Variants in SFI1 observed in about 807,000 individuals in gnomAD.
SFI1 encodes protein SFI1 homolog.
In SFI1, 195 loss-of-function variants were observed where a neutral mutation model predicts 207.5. That is an observed-to-expected ratio of 0.94 (90% CI 0.84 to 1.06). SFI1 has a LOEUF of 1.06. SFI1 is among the 50% of genes least tolerant of loss of function. The pLI, the probability that SFI1 is intolerant of heterozygous loss-of-function variation, is 0.00. For synonymous variants in SFI1, 630 were observed against 598.9 expected (o/e 1.05, Z -0.76); for missense variants, 1,634 against 1,588.0 (o/e 1.03, Z -0.49).
intron 28 of SFI1, 76 bp downstream of exon 28, chr22:31,614,936 T>TG: frequency 6.3e-7 from 1 of 1,582,664 alleles, no homozygotes; most frequent in African/African-American, 1.3e-5. Flanking sequence ...CACCTCCATG[T>TG]GGGGCCTGTG....
At chr22:31,602,912 G>GGAA in intron 17 of SFI1, 127 bp downstream of exon 17, 4 of 1,126,988 alleles carry the variant, frequency 3.5e-6, no homozygotes, top group Non-Finnish European at 4.9e-6. Flanking sequence ...TGTAAGTTCT[G>GGAA]GAAGTTCAAC....
rs777761200 is a variant in SFI1 at position 31,613,201 on chromosome 22, C to T, written c.2550C>T (p.Phe850=). The T allele has an allele frequency of 6.2e-7, 1 of 1,613,842 alleles. No homozygotes were observed. Among genetic ancestry groups the T allele is most frequent in the East Asian group, 2.2e-5 (1 of 44,878 alleles). ...TGCGGGCCCTGTGGTTCTGGGCCTT[C>T]TCGCTGCAGGCAAAGGTAATTGGGG... The part of the protein sequence containing the change: ...ATVRALWFWA[F]SLQAKVWATW... The change falls in exon 25 of 33, where the codon TTC becomes TTT. Residue 850 remains phenylalanine, a synonymous_variant. Coordinates refer to ENST00000400288, the MANE Select transcript of SFI1 (RefSeq NM_001007467.3).
At chr22:31,618,079 C>A (rs2072104528) in intron 31 of SFI1, 36 bp from the exon 32 acceptor site, 1 of 1,545,472 alleles carries the variant, frequency 6.5e-7, no homozygotes, top group Admixed American at 2.0e-5. Flanking sequence ...TGCCAAGGAC[C>A]CAGCCTGGCA....
intron 2 of SFI1, among the ~76,000 whole-genome samples, chr22:31,528,162 G>A (rs1346866565): frequency 1.3e-5 from 2 of 151,676 alleles, no homozygotes; most frequent in African/African-American, 4.9e-5. Context: ...GTGCATGCCT[G>A]TAGTGTCAGC....
intron 22 of SFI1, among the ~76,000 whole-genome samples, chr22:31,608,339 C>A (rs1158766916): frequency 1.3e-5 from 2 of 152,100 alleles, no homozygotes; most frequent in Non-Finnish European, 2.9e-5. Flanking sequence ...CGTGTAGACC[C>A]ATTGCTCCAG....
At chr22:31,577,517 C>A (rs1446661748) in intron 10 of SFI1, among the ~76,000 whole-genome samples, 1 of 152,134 alleles carries the variant, frequency 6.6e-6, no homozygotes, top group South Asian at 2.1e-4. Context: ...AAGCAATCCT[C>A]CCCCCTCAGC....
Position 31,614,850 on chromosome 22 carries a change from CAG to C in SFI1, c.3061_3062del (p.Ser1021ProfsTer88). The C allele has an allele frequency of 6.2e-7, 1 of 1,613,778 alleles. No homozygotes were observed. Among genetic ancestry groups the C allele is most frequent in the Non-Finnish European group, 8.5e-7 (1 of 1,179,996 alleles). On this transcript the variant is annotated frameshift_variant, in exon 28 of 33. Coordinates refer to ENST00000400288, the MANE Select transcript of SFI1 (RefSeq NM_001007467.3). LOFTEE classifies it high-confidence loss of function. Reference sequence around the variant, plus strand: ...CCCACACTTCCTGTTGGAGCCTGCGCAGAGCCAGAGGTCCCTGGGGTGCAGCA... The same window carrying C: ...CCCACACTTCCTGTTGGAGCCTGCGCAGCCAGAGGTCCCTGGGGTGCAGCA... ...RRPHFLLEPA[Q>X]SQRPQKPQEH... is the part of the protein sequence containing the mutation.
In SFI1 at chr22:31,602,664, C is replaced by G. The variant is rs1259147588; in HGVS notation, c.1684C>G (p.Gln562Glu). ...TAGGTCTTGGTTCATGTGGCACCAG[C>G]AGGCAGCAGCACGTCACCAGGAGCA... ...LYRSWFMWHQ[Q>E]AAARHQEQEW... The change falls in exon 17 of 33, where the codon CAG becomes GAG. Residue 562 changes from glutamine (Q) to glutamate (E), a missense_variant. Gln to Glu is a conservative substitution (Grantham distance 29, BLOSUM62 2). Coordinates refer to ENST00000400288, the MANE Select transcript of SFI1 (RefSeq NM_001007467.3). 3 of 1,614,242 alleles carry G rather than the reference C, an allele frequency of 1.9e-6. No individual in the cohort carries two copies. The highest frequency in any genetic ancestry group is 2.2e-5 in the East Asian group (1 of 44,886).
intron 1 of SFI1, among the ~76,000 whole-genome samples, chr22:31,497,729 G>A (rs1311473373): frequency 6.6e-6 from 1 of 152,018 alleles, no homozygotes; most frequent in Non-Finnish European, 1.5e-5. Flanking sequence ...AACAAACCCA[G>A]GATGACCACA....
At chr22:31,574,446 G>GGAGA (rs1467039042) in intron 9 of SFI1, among the ~76,000 whole-genome samples, 3 of 152,188 alleles carry the variant, frequency 2.0e-5, no homozygotes, top group Non-Finnish European at 4.4e-5. Flanking sequence ...AGCATTAAAA[G>GGAGA]GAGATGAAGC....
chr22:31,582,023 A>G (rs936790970), intron 12 of SFI1, among the ~76,000 whole-genome samples: 1 of 151,328 alleles, frequency 6.6e-6, no homozygotes, highest in African/African-American at 2.4e-5. Context: ...TCAAATTTCC[A>G]TAGTTGTCTT....
intron 14 of SFI1, among the ~76,000 whole-genome samples, chr22:31,586,238 C>A (rs1005677919): frequency 2.0e-5 from 3 of 152,074 alleles, no homozygotes; most frequent in Admixed American, 1.3e-4. Flanking sequence ...GTCACCTCCT[C>A]CCCCAGGCCA....
intron 14 of SFI1, among the ~76,000 whole-genome samples, chr22:31,586,595 T>A (rs954183992): frequency 2.6e-5 from 4 of 152,230 alleles, no homozygotes; most frequent in South Asian, 2.1e-4. Context: ...TGCCTTTGGA[T>A]TATGTTACTG....
At chr22:31,505,617 T>A (rs2054513413) in intron 1 of SFI1, among the ~76,000 whole-genome samples, 1 of 149,144 alleles carries the variant, frequency 6.7e-6, no homozygotes, top group African/African-American at 2.5e-5. Flanking sequence ...TGAGACCCTA[T>A]CTCTACACAC....
intron 2 of SFI1, among the ~76,000 whole-genome samples, chr22:31,509,439 AG>A (rs2055164403): frequency 6.6e-6 from 1 of 152,232 alleles, no homozygotes; most frequent in Non-Finnish European, 1.5e-5. Flanking sequence ...CAACAGCCAA[AG>A]AACTTGGAGT....
At chr22:31,578,995 A>G (rs1333881730) in intron 11 of SFI1, among the ~76,000 whole-genome samples, 1 of 152,100 alleles carries the variant, frequency 6.6e-6, no homozygotes, top group Non-Finnish European at 1.5e-5. Context: ...GTGAGGCATT[A>G]TTATTATTTT....
At chr22:31,578,843 A>C (rs769897909) in intron 11 of SFI1, among the ~76,000 whole-genome samples, 38 of 152,106 alleles carry the variant, frequency 2.5e-4, no homozygotes, top group Non-Finnish European at 4.3e-4. Context: ...GGTGGTCTTC[A>C]TATGTTTTCA....
chr22:31,503,270 A>G (rs1050588616), intron 1 of SFI1, among the ~76,000 whole-genome samples: 2 of 152,048 alleles, frequency 1.3e-5, no homozygotes, highest in African/African-American at 4.8e-5. Flanking sequence ...CCTGAGAGGT[A>G]CCATCTAGCT....
intron 9 of SFI1, among the ~76,000 whole-genome samples, chr22:31,573,820 A>G (rs1412934430): frequency 6.6e-6 from 1 of 152,098 alleles, no homozygotes. Flanking sequence ...TTGATAACCT[A>G]TGGTTTTGTA....
Sources: allele counts gnomAD v4.1 joint callset (sites outside exome capture counted in the v4.1 genomes callset), GRCh38; gene constraint gnomAD v4.1.1; transcripts MANE v1.5; gene names NCBI Gene and HGNC (gene_info 2026-07-23, HGNC 2026-07-21).